CLEC16A: variants seen among roughly 807,000 people sequenced by gnomAD.
CLEC16A encodes C-type lectin domain containing 16A, also known as protein CLEC16A.
CLEC16A carries 51 observed loss-of-function variants against 109.5 expected under a neutral mutation model. The observed-to-expected ratio is 0.47, with a 90% CI of 0.37 to 0.59. The LOEUF is 0.59. Ranked by LOEUF, CLEC16A falls within the 20% of genes least tolerant of loss-of-function variation. CLEC16A has a pLI of 0.00. For synonymous variants in CLEC16A, 673 were observed against 564.2 expected, an observed-to-expected ratio of 1.19 and a Z score of -2.73; for missense variants, 1,339 against 1,394.0, an observed-to-expected ratio of 0.96 and a Z score of 0.63.
intron 23 of CLEC16A, among the ~76,000 whole-genome samples, chr16:11,167,647 C>T (rs2068327230): frequency 6.6e-6 from 1 of 152,174 alleles, no homozygotes; most frequent in African/African-American, 2.4e-5. Context: ...GTGTCTCTCC[C>T]ATCCACACAC....
chr16:11,108,378 A>T (rs1304726735), intron 19 of CLEC16A, among the ~76,000 whole-genome samples: 1 of 152,272 alleles, frequency 6.6e-6, no homozygotes, highest in Non-Finnish European at 1.5e-5. Context: ...AAGGCAGTCC[A>T]GGAGCATGGA....
intron 19 of CLEC16A, among the ~76,000 whole-genome samples, chr16:11,064,102 A>T (rs1013996190): frequency 2.6e-5 from 4 of 152,202 alleles, no homozygotes; most frequent in African/African-American, 9.6e-5. Context: ...TTTACCATTT[A>T]GCTAAGTTTT....
At chr16:11,014,570 G>C (rs2045627919) in intron 11 of CLEC16A, among the ~76,000 whole-genome samples, 1 of 152,204 alleles carries the variant, frequency 6.6e-6, no homozygotes, top group South Asian at 2.1e-4. Context: ...AAATAGTACA[G>C]GTAACACAGA....
chr16:11,049,951 T>C (rs1358017731), intron 17 of CLEC16A, among the ~76,000 whole-genome samples: 1 of 152,236 alleles, frequency 6.6e-6, no homozygotes, highest in African/African-American at 2.4e-5. Flanking sequence ...GCAAGCAGCA[T>C]GCACCAAGTG....
chr16:11,129,872 C>T (rs1469578374), intron 22 of CLEC16A, among the ~76,000 whole-genome samples: 1 of 151,888 alleles, frequency 6.6e-6, no homozygotes, highest in South Asian at 2.1e-4. Flanking sequence ...ACACCATTCT[C>T]CTGCCTCAGC....
chr16:11,083,696 C>T (rs919931802), intron 19 of CLEC16A, among the ~76,000 whole-genome samples: 2 of 152,244 alleles, frequency 1.3e-5, no homozygotes, highest in African/African-American at 4.8e-5. Context: ...CTAAAGGAGC[C>T]CAGAATAAAC....
In CLEC16A at chr16:10,986,487, A is replaced by G. The variant is rs116039625; in HGVS notation, c.1071+3496A>G. Among the ~76,000 whole-genome samples, 883 of 152,308 alleles carry G rather than the reference A, an allele frequency of 5.8e-3. 5 individuals carry two copies. Among genetic ancestry groups the G allele is most frequent in the Middle Eastern group, 0.031 (9 of 294 alleles). Reference sequence around the variant, plus strand: ...TGAAACTTCAGAAGTACAATGTGCTATCCATTGCTCTGTGGAGTCACCTGC... The same window carrying G: ...TGAAACTTCAGAAGTACAATGTGCTGTCCATTGCTCTGTGGAGTCACCTGC... On this transcript the variant is annotated intron_variant, in intron 10 of 23. Coordinates refer to ENST00000409790, the MANE Select transcript of CLEC16A (RefSeq NM_015226.3).
At chr16:11,058,340 C>G (rs2048314273) in intron 18 of CLEC16A, among the ~76,000 whole-genome samples, 1 of 152,226 alleles carries the variant, frequency 6.6e-6, no homozygotes, top group Admixed American at 6.5e-5. Flanking sequence ...ATGCTCAAGT[C>G]CCTTATATAA....
In CLEC16A at chr16:10,961,595, G is replaced by C. The variant is rs930335287; in HGVS notation, c.210-860G>C. On this transcript the variant is annotated intron_variant, in intron 2 of 23. Transcript: ENST00000409790. The surrounding 1 kb of genome is among the most constrained non-coding windows in gnomAD (Gnocchi z 4.3). ...ACGTGTACCCCCAGAAGCCAGTGCC[G>C]CTAGGCTGTGTACAGACAAGTATCC... 6.6e-6 allele frequency among the ~76,000 whole-genome samples: 1 copy of C among 152,300 alleles called. No individual in the cohort carries two copies. Among genetic ancestry groups the C allele is most frequent in the Middle Eastern group, 3.4e-3 (1 of 294 alleles).
intron 19 of CLEC16A, among the ~76,000 whole-genome samples, chr16:11,107,898 C>G (rs766633776): frequency 6.6e-6 from 1 of 152,210 alleles, no homozygotes; most frequent in Non-Finnish European, 1.5e-5. Flanking sequence ...ATTGACCCCT[C>G]GGACCACTTA....
At chr16:11,044,297 A>T in intron 16 of CLEC16A, 1 of 370,694 alleles carries the variant, frequency 2.7e-6, no homozygotes, top group Non-Finnish European at 4.8e-6. Flanking sequence ...GCCCCAGTAT[A>T]TGATAATTTG....
chr16:11,019,571 C>G (rs3862470), intron 11 of CLEC16A, among the ~76,000 whole-genome samples: 152,287 of 152,288 alleles, frequency 1, 76,143 homozygotes, highest in Non-Finnish European at 1. Flanking sequence ...GAATTCGAGA[C>G]CAGCCTGGCC....
chr16:11,112,362 C>G (rs556084104), intron 19 of CLEC16A, among the ~76,000 whole-genome samples: 12 of 151,908 alleles, frequency 7.9e-5, no homozygotes, highest in Non-Finnish European at 1.6e-4. Context: ...TTAATATTTT[C>G]AAATAAAATA....
intron 15 of CLEC16A, among the ~76,000 whole-genome samples, chr16:11,043,321 G>A (rs1239174998): frequency 2.0e-5 from 3 of 152,176 alleles, no homozygotes; most frequent in African/African-American, 7.2e-5. Context: ...GAGGCTGGAA[G>A]ATTGCCTGAA....
chr16:11,006,102 G>A (rs946743172), intron 11 of CLEC16A, among the ~76,000 whole-genome samples: 1 of 152,074 alleles, frequency 6.6e-6, no homozygotes, highest in Admixed American at 6.6e-5. Context: ...GCCCAGGTGC[G>A]CTCACATCGT....
At chr16:11,127,196 G>A (rs570718173) in intron 22 of CLEC16A, among the ~76,000 whole-genome samples, 31 of 152,246 alleles carry the variant, frequency 2.0e-4, no homozygotes, top group South Asian at 4.1e-4. Flanking sequence ...TACACATGGG[G>A]TATACCGTAT....
chr16:10,983,716 A>G (rs568414149), intron 10 of CLEC16A, among the ~76,000 whole-genome samples: 3 of 152,048 alleles, frequency 2.0e-5, no homozygotes, highest in East Asian at 1.9e-4. Flanking sequence ...TCCTGCTCAC[A>G]TGTCCTGAGC....
intron 11 of CLEC16A, among the ~76,000 whole-genome samples, chr16:11,015,377 C>A (rs770057541): frequency 7.2e-5 from 11 of 152,160 alleles, no homozygotes; most frequent in Admixed American, 6.5e-5. Context: ...TGCTGCATTT[C>A]CAGCTGTGTT....
At position 11,166,450 on chromosome 16, in the gene CLEC16A, C is replaced by T. The variant is rs924396890; in HGVS notation, c.2704C>T (p.Pro902Ser). 12 of 1,607,780 alleles carry T rather than the reference C, an allele frequency of 7.5e-6. No individual in the cohort carries two copies. The highest frequency in any genetic ancestry group is 8.5e-6 in the Non-Finnish European group (10 of 1,179,794). ...CCCGTCCCTGTCCTCACAGTCGCCA[C>T]CCTCCGCCAGCGGGAGCCCCAGCGG... ...SSPSLSSQSP[P>S]SASGSPSGSG... Residue 902 changes from proline to serine, a missense_variant, in exon 23 of 24, where the codon CCC becomes TCC. This residue lies in a region of CLEC16A where 1,061 missense variants were observed against 1,006.8 expected (regional missense o/e 1.05). Coordinates refer to ENST00000409790, the MANE Select transcript of CLEC16A (RefSeq NM_015226.3).
Sources: allele counts gnomAD v4.1 joint callset (sites outside exome capture counted in the v4.1 genomes callset), GRCh38; gene constraint gnomAD v4.1.1; regional missense constraint gnomAD v4.1.1; non-coding constraint Gnocchi (gnomAD v3.1); transcripts MANE v1.5; gene names NCBI Gene and HGNC (gene_info 2026-07-23, HGNC 2026-07-21).